Variants in SIRT7 observed in about 807,000 individuals in gnomAD.
SIRT7 encodes the protein sirtuin 7.
In SIRT7, 32 loss-of-function variants were observed where a neutral mutation model predicts 42.8. The ratio of observed to expected loss-of-function variants is 0.75; its 90% confidence interval spans 0.56 to 1.00. The LOEUF (loss-of-function observed/expected upper bound fraction) is 1.00, where lower values mean the gene tolerates loss of function less well. SIRT7 is among the 50% of genes least tolerant of loss of function. The pLI, the probability that SIRT7 is intolerant of heterozygous loss-of-function variation, is 0.00. For missense variants in SIRT7, 553 were observed against 572.2 expected (o/e 0.97, Z 0.34); for synonymous variants, 297 against 245.2 (o/e 1.21, Z -1.97).
rs773636284 is a variant in SIRT7, at chr17:81,912,385, A to C, written c.*31T>G. The stretch of plus-strand genomic sequence containing the variant: ...TTCACCGTGACACTGGCCATCTGCA[A>C]AGTGCCAACTGTTCTTCATCGAGCA... On this transcript the variant is annotated 3_prime_UTR_variant, in exon 10 of 10. Transcript: ENST00000328666. 36 of 1,613,802 alleles carry C rather than the reference A, an allele frequency of 2.2e-5. 1 individual carries two copies. Among genetic ancestry groups the C allele is most frequent in the Non-Finnish European group, 2.6e-5 (31 of 1,179,940 alleles).
rs765331941 is a variant in SIRT7, at chr17:81,918,112, C to A, written c.20G>T (p.Ser7Ile). Residue 7 changes from serine (S) to isoleucine (I), a missense_variant, in exon 1 of 10, where the codon AGC becomes ATC. By Grantham distance (142) the Ser-to-Ile change is moderately radical. Coordinates refer to ENST00000328666, the MANE Select transcript of SIRT7 (RefSeq NM_016538.3). Reference sequence around the variant, plus strand: ...CTCCGCCGCTTTGCGCTCGGAGCGGCTCAGACCCCCGGCTGCCATCGCTCC... The same window carrying A: ...CTCCGCCGCTTTGCGCTCGGAGCGGATCAGACCCCCGGCTGCCATCGCTCC... MAAGGL[S>I]RSERKAAERV... The A allele has an allele frequency of 2.6e-6, 4 of 1,553,986 alleles. No homozygotes were observed. Among genetic ancestry groups the A allele is most frequent in the East Asian group, 2.5e-5 (1 of 39,252 alleles).
intron 3 of SIRT7, chr17:81,916,359 C>T (rs1331771543): frequency 6.6e-6 from 1 of 152,292 alleles, no homozygotes; most frequent in East Asian, 1.9e-4. Flanking sequence ...AAGACGGGAA[C>T]CTCAAACACT....
chr17:81,913,450 C>A lies in SIRT7; in HGVS notation c.1004+324G>T. The A allele has an allele frequency of 2.3e-6, 1 of 438,236 alleles. No homozygotes were observed. The highest frequency in any genetic ancestry group is 4.4e-6 in the Non-Finnish European group (1 of 229,184). 27.1% of individuals were successfully genotyped at this position (438,236 alleles called of 1,614,324 possible). A position where few individuals can be genotyped will look rare whatever the true frequency, so the allele number is the denominator to read the frequency against. On this transcript the variant is annotated intron_variant, in intron 9 of 9. Transcript: ENST00000328666. The surrounding 1 kb of genome is among the most constrained non-coding windows in gnomAD (Gnocchi z 5.0). ...GCACACAGATTCTGTCTGACCAGAGCTGCCGAGTGCTCGTCCCCTCCAGAT... is the reference window on the plus strand; with the variant it reads ...GCACACAGATTCTGTCTGACCAGAGATGCCGAGTGCTCGTCCCCTCCAGAT...
At chr17:81,915,304 C>T (rs111603766) in intron 5 of SIRT7, 136 bp downstream of exon 5, 100 of 939,156 alleles carry the variant, frequency 1.1e-4, no homozygotes, top group Middle Eastern at 6.4e-4. Flanking sequence ...ATCAAACCCG[C>T]GGCCTAACCC....
At chr17:81,912,670 C>T in intron 9 of SIRT7, 56 bp from the exon 10 acceptor site, 1 of 1,553,556 alleles carries the variant, frequency 6.4e-7, no homozygotes, top group South Asian at 1.1e-5. Context: ...GCAGTCACAC[C>T]TGCCCCAGCT....
chr17:81,914,971 G>A (rs917230229), intron 5 of SIRT7: 1 of 539,924 alleles, frequency 1.9e-6, no homozygotes, highest in South Asian at 2.0e-5. Context: ...CACCGTCCCG[G>A]CAAGGTTGGG....
chr17:81,914,784 T>C, intron 5 of SIRT7, 82 bp from the exon 6 acceptor site: 1 of 1,176,500 alleles, frequency 8.5e-7, no homozygotes, highest in Non-Finnish European at 1.2e-6. Flanking sequence ...AGCGAGGCTG[T>C]TCTGAGCCCC....
In SIRT7 at chr17:81,913,803, C is replaced by T. The variant is rs756300243; in HGVS notation, c.975G>A (p.Glu325=). The T allele has an allele frequency of 7.7e-6, 12 of 1,548,910 alleles. No individual in the cohort carries two copies. The South Asian group carries it at 8.3e-5, about 11-fold the overall frequency. The change falls in exon 9 of 10, where the codon GAG becomes GAA. Residue 325 remains glutamate, a synonymous_variant. Coordinates refer to ENST00000328666, the MANE Select transcript of SIRT7 (RefSeq NM_016538.3). This position sits in a 1 kb window ranked among gnomAD's most constrained non-coding sequence, Gnocchi z 5.0. ...TATAGGCGGGGATCTCCAAGCCCAG[C>T]TCGGCCATGAGGAGCCGCATGACGT... ...CDDVMRLLMA[E]LGLEIPAYSR...
chr17:81,918,049 C>CGCTCCCTCTGCT lies in SIRT7; in HGVS notation c.71_82dup (p.Gln24_Glu27dup). 1 of 1,512,734 alleles carries CGCTCCCTCTGCT rather than the reference C, an allele frequency of 6.6e-7. No individual in the cohort carries two copies. Among genetic ancestry groups the CGCTCCCTCTGCT allele is most frequent in the Non-Finnish European group, 8.8e-7 (1 of 1,138,760 alleles). 93.7% of individuals were successfully genotyped at this position (1,512,734 alleles called of 1,614,324 possible). On this transcript the variant is annotated inframe_insertion, in exon 1 of 10. Transcript: ENST00000328666. ...GCGGCGGCGGCGTACCTGGCGGAGGCGCTCCCTCTGCTGCTCCTCCCGCAA... is the reference window on the plus strand; with the variant it reads ...GCGGCGGCGGCGTACCTGGCGGAGGCGCTCCCTCTGCTGCTCCCTCTGCTGCTCCTCCCGCAA...
Position 81,914,596 on chromosome 17 carries a change from C to A in SIRT7, c.579+8G>T. Reference sequence around the variant, plus strand: ...ATGGAGACCCTGGGTCCCTGCAGGACTGCTCACTTCAATGTACATGTTCCC... The same window carrying A: ...ATGGAGACCCTGGGTCCCTGCAGGAATGCTCACTTCAATGTACATGTTCCC... On this transcript the variant is annotated splice_region_variant and intron_variant, in intron 6 of 9. Transcript: ENST00000328666. 6.2e-7 allele frequency: 1 copy of A among 1,613,102 alleles called. No individual in the cohort carries two copies. Among genetic ancestry groups the A allele is most frequent in the South Asian group, 1.1e-5 (1 of 91,080 alleles).
chr17:81,917,773 C>T, intron 2 of SIRT7, 54 bp from the exon 3 acceptor site: 1 of 1,447,380 alleles, frequency 6.9e-7, no homozygotes, highest in Non-Finnish European at 9.1e-7. Context: ...CGGGACCGCC[C>T]GTCGCCCCAG....
intron 3 of SIRT7, chr17:81,916,497 A>C (rs2040801734): frequency 8.2e-6 from 1 of 121,338 alleles, no homozygotes; most frequent in African/African-American, 3.3e-5. Context: ...GACGGAGTTT[A>C]GCTCTTTCGC....
rs757750962 is a variant in SIRT7 at position 81,918,120 on chromosome 17, C to G, written c.12G>C (p.Gly4=). 6.4e-7 allele frequency: 1 copy of G among 1,552,580 alleles called. No homozygotes were observed. Among genetic ancestry groups the G allele is most frequent in the Admixed American group, 1.9e-5 (1 of 54,020 alleles). The stretch of plus-strand genomic sequence containing the variant: ...CTTTGCGCTCGGAGCGGCTCAGACC[C>G]CCGGCTGCCATCGCTCCCCTGGAGA... MAA[G]GLSRSERKAA... Residue 4 remains glycine (G), a synonymous_variant, in exon 1 of 10, where the codon GGG becomes GGC. Transcript: ENST00000328666.
Position 81,913,059 on chromosome 17 carries a change from G to A in SIRT7, c.1005-445C>T, listed in dbSNP as rs1598340048. 1 of 353,702 alleles carries A rather than the reference G, an allele frequency of 2.8e-6. No individual in the cohort carries two copies. The highest frequency in any genetic ancestry group is 8.0e-5 in the East Asian group (1 of 12,458). The allele number at this position is 353,702 out of a possible 1,614,324, so 21.9% of individuals were successfully genotyped here. A position where few individuals can be genotyped will look rare whatever the true frequency, so the allele number is the denominator to read the frequency against. ...CGTGGCCTACAGACGACCCCGTGAA[G>A]AAAGCATGTGTCTGACGGAGATGCA... On this transcript the variant is annotated intron_variant, in intron 9 of 9. Transcript: ENST00000328666. The surrounding 1 kb of genome is among the most constrained non-coding windows in gnomAD (Gnocchi z 5.0).
At chr17:81,915,256 GA>G in intron 5 of SIRT7, 183 bp downstream of exon 5, 1 of 638,878 alleles carries the variant, frequency 1.6e-6, no homozygotes, top group Non-Finnish European at 2.7e-6. Context: ...TTCAGAGGGG[GA>G]GCTCCCCTTC....
rs2040741767 is a variant in SIRT7, at chr17:81,913,938, G to A, written c.898-58C>T. On this transcript the variant is annotated intron_variant, in intron 8 of 9. Coordinates refer to ENST00000328666, the MANE Select transcript of SIRT7 (RefSeq NM_016538.3). The surrounding 1 kb of genome is among the most constrained non-coding windows in gnomAD (Gnocchi z 5.0). The stretch of plus-strand genomic sequence containing the variant: ...GCAGCCCAACCCTTCCCGGTGGCCT[G>A]TCAGCCTTGGCCCCTACGGGCTCAG... 1.3e-6 allele frequency: 2 copies of A among 1,542,740 alleles called. No individual in the cohort carries two copies. The highest frequency in any genetic ancestry group is 1.2e-5 in the South Asian group (1 of 85,336).
rs1333266548 is a variant in SIRT7, at chr17:81,912,145, T to G, written c.*271A>C. On this transcript the variant is annotated 3_prime_UTR_variant, in exon 10 of 10. Coordinates refer to ENST00000328666, the MANE Select transcript of SIRT7 (RefSeq NM_016538.3). ...GCGCTTCCACTCTGCAGGCCGGGGC[T>G]GAAATAACCCGAGTTCCGTTCTCAC... The G allele has an allele frequency of 1.9e-6, 1 of 522,692 alleles. No homozygotes were observed. Among genetic ancestry groups the G allele is most frequent in the African/African-American group, 1.9e-5 (1 of 52,106 alleles). 32.4% of individuals were successfully genotyped at this position (522,692 alleles called of 1,614,324 possible). A position where few individuals can be genotyped will look rare whatever the true frequency, so the allele number is the denominator to read the frequency against.
chr17:81,917,872 G>T lies in SIRT7; in HGVS notation c.189C>A (p.Gly63=), dbSNP rs1353329608. The change falls in exon 2 of 10, where the codon GGC becomes GGA. Residue 63 remains glycine, a synonymous_variant. Transcript: ENST00000328666. ...TCAGGCCCTCGCGCCGCCGGCTCCG[G>T]CCCTGCAGCTCCGTTACCAGGTCCG... ...ESADLVTELQ[G]RSRRREGLKR... is the part of the protein sequence containing the mutation. 2 of 1,439,804 alleles carry T rather than the reference G, an allele frequency of 1.4e-6. No homozygotes were observed. Among genetic ancestry groups the T allele is most frequent in the African/African-American group, 3.0e-5 (2 of 67,176 alleles). 89.2% of individuals were successfully genotyped at this position (1,439,804 alleles called of 1,614,324 possible).
chr17:81,915,500 C>T lies in SIRT7; in HGVS notation c.420G>A (p.Leu140=). 6.2e-7 allele frequency: 1 copy of T among 1,613,714 alleles called. No homozygotes were observed. The highest frequency in any genetic ancestry group is 8.5e-7 in the Non-Finnish European group (1 of 1,179,926). The change falls in exon 5 of 10, where the codon CTG becomes CTA. Residue 140 remains leucine, a synonymous_variant. Coordinates refer to ENST00000328666, the MANE Select transcript of SIRT7 (RefSeq NM_016538.3). ...GGGTGAGGGTTGGCTCGGCCTCGCT[C>T]AGGTCGGCAGCACTGCCAGGCAGAA... The part of the protein sequence containing the change: ...QKGRSVSAAD[L]SEAEPTLTHM...
Sources: gnomAD v4.1 joint callset for allele counts on GRCh38, gnomAD v4.1.1 for gene constraint, Gnocchi (gnomAD v3.1) non-coding constraint, MANE v1.5 for transcripts, NCBI Gene and HGNC (gene_info 2026-07-23, HGNC 2026-07-21) for gene names.